Variants in ARID1B observed in about 807,000 individuals in gnomAD.
ARID1B encodes AT-rich interactive domain-containing protein 1B.
A neutral mutation model predicts 212.3 loss-of-function variants in ARID1B; 30 were observed. That is an observed-to-expected ratio of 0.14 (90% confidence interval 0.11 to 0.19). ARID1B has a LOEUF of 0.19. Ranked by LOEUF, ARID1B falls within the 10% of genes least tolerant of loss-of-function variation. The pLI is 1.00. For missense variants in ARID1B, 2,891 were observed against 3,204.0 expected, an observed-to-expected ratio of 0.90 and a Z score of 2.36; for synonymous variants, 1,402 against 1,301.7, an observed-to-expected ratio of 1.08 and a Z score of -1.66.
At chr6:156,854,042 A>C (rs1784751197) in intron 2 of ARID1B, among the ~76,000 whole-genome samples, 1 of 152,186 alleles carries the variant, frequency 6.6e-6, no homozygotes, top group African/African-American at 2.4e-5. Flanking sequence ...CCCTCCATAA[A>C]TTTTTGTGAG....
intron 3 of ARID1B, among the ~76,000 whole-genome samples, chr6:156,906,415 C>T (rs1043867272): frequency 2.6e-5 from 4 of 151,476 alleles, no homozygotes; most frequent in East Asian, 3.9e-4. Flanking sequence ...GGCGTGGAGG[C>T]GCGTCTGTAA....
At chr6:156,904,060 T>C (rs955884463) in intron 3 of ARID1B, among the ~76,000 whole-genome samples, 2 of 152,240 alleles carry the variant, frequency 1.3e-5, no homozygotes, top group Admixed American at 6.5e-5. Flanking sequence ...GAAAAGTCTC[T>C]TCCCGTCTTA....
intron 6 of ARID1B, among the ~76,000 whole-genome samples, chr6:157,124,402 C>A (rs547391799): frequency 6.6e-6 from 1 of 152,198 alleles, no homozygotes; most frequent in African/African-American, 2.4e-5. Flanking sequence ...GCTAACTGCA[C>A]GGCCACAGCT....
chr6:156,799,426 A>G (rs1374790447), intron 1 of ARID1B, among the ~76,000 whole-genome samples: 1 of 152,198 alleles, frequency 6.6e-6, no homozygotes, highest in Non-Finnish European at 1.5e-5. Context: ...TACATTGTGA[A>G]AGGTGGCGTT....
chr6:157,000,380 T>G (rs1778839396), intron 4 of ARID1B, among the ~76,000 whole-genome samples: 1 of 152,254 alleles, frequency 6.6e-6, no homozygotes, highest in African/African-American at 2.4e-5. Context: ...AGATCTATTT[T>G]ATATCTATTT....
chr6:156,874,799 CT>C (rs1786414935), intron 2 of ARID1B, among the ~76,000 whole-genome samples: 2 of 152,186 alleles, frequency 1.3e-5, no homozygotes, highest in Non-Finnish European at 1.5e-5. Context: ...TTCCATTCTC[CT>C]TCGTGGAGCT....
chr6:156,814,641 C>G (rs1256901810), intron 1 of ARID1B, among the ~76,000 whole-genome samples: 2 of 152,132 alleles, frequency 1.3e-5, no homozygotes, highest in Non-Finnish European at 2.9e-5. Flanking sequence ...CAACCATGAG[C>G]TTGCGGGAGA....
At chr6:156,805,902 C>G (rs896356345) in intron 1 of ARID1B, among the ~76,000 whole-genome samples, 17 of 152,040 alleles carry the variant, frequency 1.1e-4, no homozygotes, top group Non-Finnish European at 2.2e-4. Flanking sequence ...GTCTCAGAGT[C>G]CTGGCCTCAA....
intron 1 of ARID1B, among the ~76,000 whole-genome samples, chr6:156,814,945 A>G (rs961467229): frequency 6.6e-6 from 1 of 152,152 alleles, no homozygotes; most frequent in Admixed American, 6.6e-5. Context: ...AGACCCATCA[A>G]TTATCAATAG....
At chr6:157,197,377 G>A (rs541366331) in intron 16 of ARID1B, among the ~76,000 whole-genome samples, 1 of 152,358 alleles carries the variant, frequency 6.6e-6, no homozygotes, top group East Asian at 1.9e-4. Flanking sequence ...CAGCCCACAT[G>A]CTGGGGTCAC....
chr6:156,811,332 G>T (rs937792174), intron 1 of ARID1B, among the ~76,000 whole-genome samples: 14 of 152,316 alleles, frequency 9.2e-5, no homozygotes, highest in African/African-American at 3.1e-4. Context: ...TTACACAGAA[G>T]TGTGGATACG....
At chr6:156,796,714 T>C (rs17087772) in intron 1 of ARID1B, among the ~76,000 whole-genome samples, 2,205 of 152,312 alleles carry the variant, frequency 0.014, 54 homozygotes, top group African/African-American at 0.05. Flanking sequence ...AGAATAGTTA[T>C]CCTTTTTGCC....
intron 1 of ARID1B, among the ~76,000 whole-genome samples, chr6:156,813,471 G>A (rs1781757505): frequency 1.3e-5 from 2 of 152,102 alleles, no homozygotes; most frequent in East Asian, 3.9e-4. Flanking sequence ...TATTTATGTA[G>A]CATTCATTCA....
chr6:156,895,399 G>A (rs149261572), intron 2 of ARID1B, among the ~76,000 whole-genome samples: 17 of 152,284 alleles, frequency 1.1e-4, no homozygotes, highest in East Asian at 3.9e-4. Context: ...AGGGACAGTC[G>A]CTCAGACACC....
In ARID1B at chr6:157,148,705, C is replaced by T. The variant is rs923205456; in HGVS notation, c.2843C>T (p.Ala948Val). The part of the protein sequence containing the change: ...SGPGPGMGIS[A>V]NNQMHGQGPS... ...CCAGGGCCCGGTATGGGTATCAGTG[C>T]CAACAACCAGATGCATGGACAAGGG... is the stretch of plus-strand genomic sequence containing the variant. Residue 948 changes from alanine to valine, a missense_variant, in exon 8 of 20, where the codon GCC becomes GTC. By Grantham distance (64) the Ala-to-Val change is moderately conservative. Around this residue, in one of 7 missense-constraint regions of ARID1B, gnomAD observed 1,643 missense variants for 1,544.0 expected, o/e 1.06. Coordinates refer to ENST00000636930, the MANE Select transcript of ARID1B (RefSeq NM_001374828.1). This position sits in a 1 kb window ranked among gnomAD's most constrained non-coding sequence, Gnocchi z 5.6. The T allele has an allele frequency of 1.2e-6, 2 of 1,613,026 alleles. No individual in the cohort carries two copies. Among genetic ancestry groups the T allele is most frequent in the South Asian group, 1.1e-5 (1 of 91,084 alleles).
At chr6:157,130,300 C>T (rs919630012) in intron 6 of ARID1B, among the ~76,000 whole-genome samples, 1 of 152,066 alleles carries the variant, frequency 6.6e-6, no homozygotes, top group African/African-American at 2.4e-5. Flanking sequence ...GAAGAAAAAG[C>T]AATCGTTCTT....
intron 1 of ARID1B, among the ~76,000 whole-genome samples, chr6:156,781,574 C>A (rs1779270567): frequency 6.6e-6 from 1 of 152,028 alleles, no homozygotes; most frequent in South Asian, 2.1e-4. Context: ...CTGAATTTAA[C>A]AAATAATCTT....
intron 1 of ARID1B, among the ~76,000 whole-genome samples, chr6:156,791,079 A>G (rs1040800918): frequency 6.6e-6 from 1 of 152,242 alleles, no homozygotes; most frequent in Non-Finnish European, 1.5e-5. Flanking sequence ...TTTTTAGTCT[A>G]AATACCCTTT....
At chr6:156,788,544 T>G (rs1779799129) in intron 1 of ARID1B, among the ~76,000 whole-genome samples, 1 of 152,232 alleles carries the variant, frequency 6.6e-6, no homozygotes, top group Admixed American at 6.5e-5. Flanking sequence ...GGAGAATTAC[T>G]TTTTGCAAAG....
Sources: allele counts gnomAD v4.1 joint callset (sites outside exome capture counted in the v4.1 genomes callset), GRCh38; gene constraint gnomAD v4.1.1; regional missense constraint gnomAD v4.1.1; non-coding constraint Gnocchi (gnomAD v3.1); transcripts MANE v1.5; gene names NCBI Gene and HGNC (gene_info 2026-07-23, HGNC 2026-07-21).